The following THRB variants were observed in gnomAD, a reference collection of about 807,000 sequenced individuals.
THRB encodes thyroid hormone receptor beta, also known as nuclear receptor subfamily 1 group A member 2.
A neutral mutation model predicts 47.8 loss-of-function variants in THRB; 12 were observed. The ratio of observed to expected loss-of-function variants is 0.25; its 90% confidence interval spans 0.16 to 0.41. THRB has a LOEUF of 0.41. Among genes scored for constraint, THRB ranks in the 10% least tolerant of loss-of-function variants. THRB has a pLI of 1.00. For synonymous variants in THRB, 218 were observed against 212.2 expected (o/e 1.03, Z -0.24); for missense variants, 348 against 589.2 (o/e 0.59, Z 4.24).
intron 1 of THRB, among the ~76,000 whole-genome samples, chr3:24,425,921 A>T (rs1219952991): frequency 1.3e-5 from 2 of 152,000 alleles, no homozygotes; most frequent in African/African-American, 4.8e-5. Flanking sequence ...GTAAGAGTTA[A>T]GCACACAGAT....
intron 1 of THRB, among the ~76,000 whole-genome samples, chr3:24,379,328 T>C (rs1360607927): frequency 2.6e-5 from 4 of 152,106 alleles, no homozygotes; most frequent in East Asian, 1.9e-4. Context: ...GACTGAGAGA[T>C]AGGAAAGGTC....
chr3:24,370,128 T>C (rs1577143807), intron 1 of THRB, among the ~76,000 whole-genome samples: 1 of 152,136 alleles, frequency 6.6e-6, no homozygotes, highest in East Asian at 1.9e-4. Context: ...TAGGGGGATA[T>C]TTTACGACTG....
intron 10 of THRB, among the ~76,000 whole-genome samples, chr3:24,123,412 A>G (rs1246447555): frequency 6.6e-6 from 1 of 152,150 alleles, no homozygotes; most frequent in Non-Finnish European, 1.5e-5. Context: ...CCTCCCTCCT[A>G]GGGTACAGAA....
chr3:24,266,068 A>C (rs115394076), intron 3 of THRB, among the ~76,000 whole-genome samples: 4 of 152,218 alleles, frequency 2.6e-5, no homozygotes, highest in African/African-American at 9.6e-5. Context: ...AATCTTCCCT[A>C]AACTTTCAAA....
chr3:24,417,154 G>T (rs1388538994), intron 1 of THRB, among the ~76,000 whole-genome samples: 1 of 149,772 alleles, frequency 6.7e-6, no homozygotes, highest in South Asian at 2.1e-4. Flanking sequence ...AACGCGTTAT[G>T]ACTGCTTTAT....
chr3:24,157,244 CTT>C (rs1241405645), intron 5 of THRB, among the ~76,000 whole-genome samples: 1 of 151,932 alleles, frequency 6.6e-6, no homozygotes, highest in Non-Finnish European at 1.5e-5. Context: ...CTTGGAGTCT[CTT>C]TCTTTACACT....
intron 1 of THRB, among the ~76,000 whole-genome samples, chr3:24,355,687 C>T (rs962017113): frequency 1.3e-5 from 2 of 152,120 alleles, no homozygotes; most frequent in Admixed American, 6.6e-5. Flanking sequence ...AGAGAGATGC[C>T]AGTGAGGTCA....
intron 1 of THRB, among the ~76,000 whole-genome samples, chr3:24,402,419 C>G (rs377142366): frequency 6.6e-6 from 1 of 151,624 alleles, no homozygotes; most frequent in Non-Finnish European, 1.5e-5. Context: ...AATTTGGGAA[C>G]TGCTGTTCTA....
chr3:24,279,292 T>C (rs987361952), intron 3 of THRB, among the ~76,000 whole-genome samples: 3 of 152,218 alleles, frequency 2.0e-5, no homozygotes, highest in African/African-American at 7.2e-5. Flanking sequence ...GAAAAACACC[T>C]GGAAAGTTCA....
At chr3:24,127,477 T>C in intron 10 of THRB, 22 bp downstream of exon 10, 1 of 1,614,028 alleles carries the variant, frequency 6.2e-7, no homozygotes, top group South Asian at 1.1e-5. Context: ...GGATGCCCAC[T>C]AACGAGTCTA....
chr3:24,414,803 A>C (rs1040449881), intron 1 of THRB, among the ~76,000 whole-genome samples: 2 of 151,890 alleles, frequency 1.3e-5, no homozygotes, highest in African/African-American at 4.8e-5. Context: ...ATTATTAGTA[A>C]CCTTAACAAA....
At position 24,478,012 on chromosome 3, in the gene THRB, T is replaced by G. The variant is rs1354643641; in HGVS notation, c.-261+16640A>C. Among the ~76,000 whole-genome samples, 47 of 151,706 alleles carry G rather than the reference T, an allele frequency of 3.1e-4. 1 individual carries two copies. Among genetic ancestry groups the G allele is most frequent in the Admixed American group, 3.1e-3 (47 of 15,198 alleles). ...GTATTAACATTTTATTTAAGGAACT[T>G]AAACTGTGAAATTCACTTGTCAAAA... is the stretch of plus-strand genomic sequence containing the variant. On this transcript the variant is annotated intron_variant, in intron 1 of 10. Coordinates refer to ENST00000646209, the MANE Select transcript of THRB (RefSeq NM_001354712.2).
In THRB at chr3:24,490,152, C is replaced by T. The variant is rs11926937; in HGVS notation, c.-261+4500G>A. On this transcript the variant is annotated intron_variant, in intron 1 of 10. Transcript: ENST00000646209. ...GTCTCATAGGTCACTGGGCTGCATG[C>T]TGAACTGAAAAATGGCTAGCAGAGC... Among the ~76,000 whole-genome samples the T allele has an allele frequency of 7.7e-3, 1,167 of 152,240 alleles. 11 individuals are homozygous for T. Among genetic ancestry groups the T allele is most frequent in the African/African-American group, 0.027 (1,126 of 41,530 alleles).
chr3:24,430,157 T>A (rs1207453715), intron 1 of THRB: 1 of 152,044 alleles, frequency 6.6e-6, no homozygotes, highest in African/African-American at 2.4e-5. Flanking sequence ...AGGATGATCC[T>A]CAGGAACTGG....
intron 1 of THRB, among the ~76,000 whole-genome samples, chr3:24,387,198 T>C (rs1206560739): frequency 6.6e-6 from 1 of 152,134 alleles, no homozygotes; most frequent in Admixed American, 6.6e-5. Context: ...TCATCAGCAG[T>C]GATGGTTGTC....
intron 1 of THRB, among the ~76,000 whole-genome samples, chr3:24,438,506 GGTGTGTGTGTGT>G (rs145050133): frequency 4.1e-5 from 6 of 145,856 alleles, no homozygotes; most frequent in Non-Finnish European, 6.1e-5. Context: ...AGAACAAAAA[GGTGTGTGTGTGT>G]GTGTGTGTGT....
chr3:24,419,571 T>C (rs953407674), intron 1 of THRB, among the ~76,000 whole-genome samples: 68 of 151,936 alleles, frequency 4.5e-4, no homozygotes, highest in African/African-American at 1.6e-3. Flanking sequence ...GCCAAGGTTA[T>C]CTAAAGTTAA....
In THRB at chr3:24,128,863, C is replaced by CTTTTTTTTTTTTTTTTT. The variant is rs57890674; in HGVS notation, c.886-1123_886-1107dup. Among the ~76,000 whole-genome samples, 40 of 87,054 alleles carry CTTTTTTTTTTTTTTTTT rather than the reference C, an allele frequency of 4.6e-4. 6 individuals are homozygous for CTTTTTTTTTTTTTTTTT. Among genetic ancestry groups the CTTTTTTTTTTTTTTTTT allele is most frequent in the East Asian group, 1.2e-3 (2 of 1,690 alleles). 57.1% of individuals were successfully genotyped at this position (87,054 alleles called of 152,430 possible). A position where few individuals can be genotyped will look rare whatever the true frequency, so the allele number is the denominator to read the frequency against. The stretch of plus-strand genomic sequence containing the variant: ...GCCAAGAGAAGAAGGAAACATAACT[C>CTTTTTTTTTTTTTTTTT]TTTTTTTTTTTTTTTTTTTTTTTTT... On this transcript the variant is annotated intron_variant, in intron 9 of 10. Transcript: ENST00000646209.
intron 1 of THRB, among the ~76,000 whole-genome samples, chr3:24,382,387 T>C (rs1049794964): frequency 2.0e-5 from 3 of 152,092 alleles, no homozygotes; most frequent in African/African-American, 7.2e-5. Context: ...TAAATAAATA[T>C]TTTACAAATA....
Sources: allele counts gnomAD v4.1 joint callset (sites outside exome capture counted in the v4.1 genomes callset), GRCh38; gene constraint gnomAD v4.1.1; transcripts MANE v1.5; gene names NCBI Gene and HGNC (gene_info 2026-07-23, HGNC 2026-07-21).